The following ABLIM2 variants were observed in gnomAD, a reference collection of about 807,000 sequenced individuals.
ABLIM2 encodes actin binding LIM protein family member 2.
In ABLIM2, 53 loss-of-function variants were observed where a neutral mutation model predicts 97.7. That is an observed-to-expected ratio of 0.54 (90% CI 0.44 to 0.68). The LOEUF is 0.68. Among genes scored for constraint, ABLIM2 ranks in the 30% least tolerant of loss-of-function variants. The probability of loss-of-function intolerance (pLI) is 0.00; values close to 1 mark genes in which losing one functional copy is unlikely to be tolerated. For synonymous variants in ABLIM2, 361 were observed against 345.8 expected (o/e 1.04, Z -0.49); for missense variants, 835 against 867.2 (o/e 0.96, Z 0.47).
At chr4:8,078,977 G>A (rs2152426111) in intron 5 of ABLIM2, among the ~76,000 whole-genome samples, 1 of 152,338 alleles carries the variant, frequency 6.6e-6, no homozygotes, top group African/African-American at 2.4e-5. Context: ...CTAGAGAAGG[G>A]AGGATTTCTC....
intron 8 of ABLIM2, among the ~76,000 whole-genome samples, chr4:8,051,869 T>G (rs1358107870): frequency 6.6e-6 from 1 of 152,170 alleles, no homozygotes; most frequent in Non-Finnish European, 1.5e-5. Context: ...TTCCATGGGC[T>G]ATGTGAATGA....
In ABLIM2 at chr4:8,158,786, C is replaced by A; in HGVS notation, c.-97G>T. 8.8e-7 allele frequency: 1 copy of A among 1,137,470 alleles called. No homozygotes were observed. 70.5% of individuals were successfully genotyped at this position (1,137,470 alleles called of 1,614,324 possible). A position where few individuals can be genotyped will look rare whatever the true frequency, so the allele number is the denominator to read the frequency against. On this transcript the variant is annotated 5_prime_UTR_variant, in exon 1 of 21. Coordinates refer to ENST00000447017, the MANE Select transcript of ABLIM2 (RefSeq NM_001130083.2). ...CCCGCGCTATCCTCCGCCCGCCCGCCGGCTCCGCGCCCGCTCCTTGCGCAC... is the reference window on the plus strand; with the variant it reads ...CCCGCGCTATCCTCCGCCCGCCCGCAGGCTCCGCGCCCGCTCCTTGCGCAC...
At chr4:7,974,382 C>CCCATCCACCCAT (rs1349855771) in intron 20 of ABLIM2, among the ~76,000 whole-genome samples, 5 of 107,530 alleles carry the variant, frequency 4.6e-5, no homozygotes, top group Non-Finnish European at 9.0e-5. Context: ...CATCCATCCA[C>CCCATCCACCCAT]CCATCCACCC....
rs1407236593 is a variant in ABLIM2, at chr4:8,069,986, T to C, written c.675+7642A>G. Among the ~76,000 whole-genome samples, 1 of 152,140 alleles carries C rather than the reference T, an allele frequency of 6.6e-6. No individual in the cohort carries two copies. Among genetic ancestry groups the C allele is most frequent in the Non-Finnish European group, 1.5e-5 (1 of 68,028 alleles). On this transcript the variant is annotated intron_variant, in intron 6 of 20. Coordinates refer to ENST00000447017, the MANE Select transcript of ABLIM2 (RefSeq NM_001130083.2). This position sits in a 1 kb window ranked among gnomAD's most constrained non-coding sequence, Gnocchi z 4.2. The stretch of plus-strand genomic sequence containing the variant: ...AAGCGTGCTGTCTGCACGTCTTGTA[T>C]GTGTATGTGATCTGTGTGTCCTTTT...
rs1812429386 is a variant in ABLIM2 at position 8,071,851 on chromosome 4, G to A, written c.675+5777C>T. The stretch of plus-strand genomic sequence containing the variant: ...CCCTGGAACGTGTGCCTGCGAGGGT[G>A]GACACCCTCACCTTCAGCCAACAGT... On this transcript the variant is annotated intron_variant, in intron 6 of 20. Coordinates refer to ENST00000447017, the MANE Select transcript of ABLIM2 (RefSeq NM_001130083.2). The surrounding 1 kb of genome is among the most constrained non-coding windows in gnomAD (Gnocchi z 6.2). The A allele has an allele frequency of 2.0e-6, 2 of 985,448 alleles. No individual in the cohort carries two copies. The highest frequency in any genetic ancestry group is 2.4e-6 in the Non-Finnish European group (2 of 829,964). The allele number at this position is 985,448 out of a possible 1,614,324, so 61.0% of individuals were successfully genotyped here. A position where few individuals can be genotyped will look rare whatever the true frequency, so the allele number is the denominator to read the frequency against.
intron 9 of ABLIM2, 26 bp downstream of exon 9, chr4:8,045,138 G>A (rs59097324): frequency 0.2 from 322,780 of 1,604,326 alleles, 34,316 homozygotes; most frequent in South Asian, 0.32. Flanking sequence ...TCCCACCGCC[G>A]TCCCCATAAA....
intron 20 of ABLIM2, among the ~76,000 whole-genome samples, chr4:7,968,766 G>A (rs1243321970): frequency 6.6e-6 from 1 of 152,184 alleles, no homozygotes; most frequent in African/African-American, 2.4e-5. Flanking sequence ...TTCCGGAGTT[G>A]GAATGTTCCG....
rs1445502968 is a variant in ABLIM2, at chr4:8,140,390, TG to T, written c.10+18289del. On this transcript the variant is annotated intron_variant, in intron 1 of 20. Coordinates refer to ENST00000447017, the MANE Select transcript of ABLIM2 (RefSeq NM_001130083.2). The surrounding 1 kb of genome is among the most constrained non-coding windows in gnomAD (Gnocchi z 5.9). Reference sequence around the variant, plus strand: ...TACACGGCAGCTAAGGAATCAGCCATGGCAGGGGATTTCATGCCAGGCAGGA... The same window carrying T: ...TACACGGCAGCTAAGGAATCAGCCATGCAGGGGATTTCATGCCAGGCAGGA... Among the ~76,000 whole-genome samples the T allele has an allele frequency of 6.6e-6, 1 of 151,994 alleles. No homozygotes were observed. Among genetic ancestry groups the T allele is most frequent in the African/African-American group, 2.4e-5 (1 of 41,376 alleles).
Position 8,155,018 on chromosome 4 carries a change from G to A in ABLIM2, c.10+3662C>T, listed in dbSNP as rs1011276972. 6.6e-6 allele frequency among the ~76,000 whole-genome samples: 1 copy of A among 152,190 alleles called. No homozygotes were observed. The highest frequency in any genetic ancestry group is 2.1e-4 in the South Asian group (1 of 4,826). ...TTAATCACCACCATGAGAACAGTAT[G>A]GGGGAAACCACCCCTGTGATTCAAT... is the stretch of plus-strand genomic sequence containing the variant. On this transcript the variant is annotated intron_variant, in intron 1 of 20. Coordinates refer to ENST00000447017, the MANE Select transcript of ABLIM2 (RefSeq NM_001130083.2). This position sits in a 1 kb window ranked among gnomAD's most constrained non-coding sequence, Gnocchi z 4.2.
rs1409768885 is a variant in ABLIM2, at chr4:8,005,233, C to A, written c.1618+2826G>T. On this transcript the variant is annotated intron_variant, in intron 16 of 20. Transcript: ENST00000447017. This position sits in a 1 kb window ranked among gnomAD's most constrained non-coding sequence, Gnocchi z 4.9. ...CGTCTCTGCCTCTCTCAGCTCCCTG[C>A]ACGCTTCTCCAGGTCAGGGGCTGCT... The A allele has an allele frequency of 4.0e-6, 2 of 496,168 alleles. No individual in the cohort carries two copies. Among genetic ancestry groups the A allele is most frequent in the South Asian group, 1.5e-5 (1 of 67,354 alleles). The allele number at this position is 496,168 out of a possible 1,614,324, so 30.7% of individuals were successfully genotyped here.
intron 7 of ABLIM2, among the ~76,000 whole-genome samples, chr4:8,056,163 A>G (rs559713591): frequency 2.7e-4 from 40 of 148,362 alleles, no homozygotes; most frequent in African/African-American, 9.4e-4. Context: ...CTTATTAAAA[A>G]TTATAGAAAC....
intron 9 of ABLIM2, among the ~76,000 whole-genome samples, chr4:8,040,100 C>T (rs555603309): frequency 7.0e-4 from 107 of 152,194 alleles, no homozygotes; most frequent in African/African-American, 2.3e-3. Flanking sequence ...TTCCTGTGCA[C>T]GTGAATGGCA....
intron 1 of ABLIM2, among the ~76,000 whole-genome samples, chr4:8,154,431 A>C (rs898266500): frequency 2.7e-5 from 4 of 147,036 alleles, no homozygotes; most frequent in African/African-American, 5.1e-5. Flanking sequence ...ACAGGCACCC[A>C]CCACCACACC....
chr4:7,978,518 C>T (rs1377834068), intron 20 of ABLIM2, among the ~76,000 whole-genome samples: 2 of 152,244 alleles, frequency 1.3e-5, no homozygotes, highest in African/African-American at 4.8e-5. Context: ...TGAGTCCCAA[C>T]AGGCCCCTGG....
At chr4:8,056,112 C>CAAAAAA (rs60992903) in intron 7 of ABLIM2, among the ~76,000 whole-genome samples, 5 of 68,362 alleles carry the variant, frequency 7.3e-5, no homozygotes, top group Admixed American at 3.2e-4. Flanking sequence ...GACTCTGTCT[C>CAAAAAA]AAAAAAAAAA....
chr4:8,152,259 G>A (rs1379173062), intron 1 of ABLIM2, among the ~76,000 whole-genome samples: 1 of 152,240 alleles, frequency 6.6e-6, no homozygotes, highest in East Asian at 1.9e-4. Context: ...CGCCCGCCTA[G>A]CCAGGGATAC....
chr4:8,012,085 A>G (rs1159020317), intron 14 of ABLIM2, among the ~76,000 whole-genome samples: 5 of 149,240 alleles, frequency 3.4e-5, no homozygotes, highest in Admixed American at 2.0e-4. Flanking sequence ...TCCAGCCACC[A>G]CCCATCATCC....
At chr4:8,057,098 C>CTTTTT (rs11333108) in intron 7 of ABLIM2, among the ~76,000 whole-genome samples, 1 of 130,148 alleles carries the variant, frequency 7.7e-6, no homozygotes, top group Non-Finnish European at 1.6e-5. Flanking sequence ...TTCTTTCTTT[C>CTTTTT]TTTTTTTTTT....
At chr4:8,077,917 T>G (rs562935012) in intron 5 of ABLIM2, among the ~76,000 whole-genome samples, 196 bp from the exon 6 acceptor site, 33 of 152,274 alleles carry the variant, frequency 2.2e-4, no homozygotes, top group Admixed American at 4.6e-4. Context: ...ATGATGACAA[T>G]GGTCCCATTT....
Sources: allele counts gnomAD v4.1 joint callset (sites outside exome capture counted in the v4.1 genomes callset), GRCh38; gene constraint gnomAD v4.1.1; non-coding constraint Gnocchi (gnomAD v3.1); transcripts MANE v1.5; gene names NCBI Gene and HGNC (gene_info 2026-07-23, HGNC 2026-07-21).